KLHDC2: variants seen among roughly 807,000 people sequenced by gnomAD.
KLHDC2 encodes kelch domain-containing protein 2.
A neutral mutation model predicts 62.3 loss-of-function variants in KLHDC2; 38 were observed. The observed-to-expected ratio is 0.61, with a 90% CI of 0.47 to 0.80. The LOEUF (loss-of-function observed/expected upper bound fraction) is 0.80, where lower values mean the gene tolerates loss of function less well. KLHDC2 is among the 30% of genes least tolerant of loss of function. The pLI is 0.00. For missense variants in KLHDC2, 430 were observed against 495.3 expected (o/e 0.87, Z 1.25); for synonymous variants, 159 against 161.0 (o/e 0.99, Z 0.09).
intron 2 of KLHDC2, among the ~76,000 whole-genome samples, chr14:49,773,787 A>G (rs1371174167): frequency 6.6e-6 from 1 of 151,222 alleles, no homozygotes; most frequent in African/African-American, 2.4e-5. Context: ...CATGTTAAAC[A>G]GTATGGTCTC....
At position 49,785,937 on chromosome 14, in the gene KLHDC2, C is replaced by T. The variant is rs2139816475; in HGVS notation, c.*2984C>T. On this transcript the variant is annotated 3_prime_UTR_variant, in exon 13 of 13. Coordinates refer to ENST00000298307, the MANE Select transcript of KLHDC2 (RefSeq NM_014315.3). ...AAACTATTGGATATTACCTGAGTTG[C>T]AGAAACCTGCTGTGGATTAAAATGA... The T allele has an allele frequency of 6.6e-6, 1 of 150,670 alleles. No individual in the cohort carries two copies. The highest frequency in any genetic ancestry group is 1.9e-4 in the East Asian group (1 of 5,148). The allele number at this position is 150,670 out of a possible 1,614,324, so 9.3% of individuals were successfully genotyped here.
At chr14:49,771,922 C>T (rs537547413) in intron 2 of KLHDC2, among the ~76,000 whole-genome samples, 4 of 152,172 alleles carry the variant, frequency 2.6e-5, no homozygotes, top group East Asian at 3.9e-4. Flanking sequence ...ATCTGGGAGG[C>T]GGAGGTTGCA....
intron 6 of KLHDC2, 140 bp from the exon 7 acceptor site, chr14:49,779,455 A>C (rs1594703985): frequency 1.7e-6 from 1 of 577,194 alleles, no homozygotes; most frequent in East Asian, 2.8e-5. Flanking sequence ...AGCTTGTAGT[A>C]CAACTGTTGT....
At position 49,782,959 on chromosome 14, in the gene KLHDC2, C is replaced by T. The variant is rs193278138; in HGVS notation, c.*6C>T. 1 of 1,610,138 alleles carries T rather than the reference C, an allele frequency of 6.2e-7. No homozygotes were observed. The highest frequency in any genetic ancestry group is 1.7e-5 in the Admixed American group (1 of 59,182). On this transcript the variant is annotated 3_prime_UTR_variant, in exon 13 of 13. Coordinates refer to ENST00000298307, the MANE Select transcript of KLHDC2 (RefSeq NM_014315.3). ...ACAACACTTCTGGATCTTAAGGCTT[C>T]ATAAATAATGCCTATGATCACCTTG...
At chr14:49,780,180 A>T (rs1234278129) in intron 8 of KLHDC2, 33 bp from the exon 9 acceptor site, 1 of 1,288,884 alleles carries the variant, frequency 7.8e-7, no homozygotes, top group Non-Finnish European at 1.1e-6. Context: ...CTGCTTCTAA[A>T]TGCAGATATT....
rs1158839407 is a variant in KLHDC2 at position 49,779,814 on chromosome 14, T to C, written c.773+8T>C. ...ATGGGAGTGGAATGAATTGTAGGTA[T>C]CACTTTAGATACATTTTTCCAAAAT... On this transcript the variant is annotated splice_region_variant and intron_variant, in intron 8 of 12. Transcript: ENST00000298307. 1.9e-6 allele frequency: 3 copies of C among 1,595,496 alleles called. No individual in the cohort carries two copies. Among genetic ancestry groups the C allele is most frequent in the Non-Finnish European group, 2.6e-6 (3 of 1,164,844 alleles).
intron 1 of KLHDC2, among the ~76,000 whole-genome samples, chr14:49,770,486 G>T (rs1315860926): frequency 3.3e-5 from 5 of 152,164 alleles, no homozygotes; most frequent in African/African-American, 1.2e-4. Context: ...CAAGCTTGCT[G>T]GACTTTGACA....
At chr14:49,775,890 G>T (rs902861320) in intron 3 of KLHDC2, among the ~76,000 whole-genome samples, 5 of 152,158 alleles carry the variant, frequency 3.3e-5, no homozygotes, top group African/African-American at 9.7e-5. Context: ...GCCTCCCAAA[G>T]TGCTGGGATT....
chr14:49,782,659 C>T (rs1031344212), intron 12 of KLHDC2, 65 bp downstream of exon 12: 18 of 1,409,130 alleles, frequency 1.3e-5, no homozygotes, highest in Non-Finnish European at 1.4e-5. Flanking sequence ...TTAGCACTCT[C>T]GAAAAACTAG....
Position 49,784,800 on chromosome 14 carries a change from CT to C in KLHDC2, c.*1851del. ...GACAAAAACGAAAAACATTTCCAAACTTTTAGCTGAGATGGTTTTACTGCTT... is the reference window on the plus strand; with the variant it reads ...GACAAAAACGAAAAACATTTCCAAACTTTAGCTGAGATGGTTTTACTGCTT... On this transcript the variant is annotated 3_prime_UTR_variant, in exon 13 of 13. Coordinates refer to ENST00000298307, the MANE Select transcript of KLHDC2 (RefSeq NM_014315.3). 7 of 1,433,086 alleles carry C rather than the reference CT, an allele frequency of 4.9e-6. No homozygotes were observed. The highest frequency in any genetic ancestry group is 6.8e-6 in the Non-Finnish European group (7 of 1,027,380). The allele number at this position is 1,433,086 out of a possible 1,614,324, so 88.8% of individuals were successfully genotyped here. A position where few individuals can be genotyped will look rare whatever the true frequency, so the allele number is the denominator to read the frequency against.
chr14:49,774,336 T>TG (rs1889726495), intron 2 of KLHDC2, among the ~76,000 whole-genome samples: 2 of 152,330 alleles, frequency 1.3e-5, no homozygotes, highest in South Asian at 4.1e-4. Flanking sequence ...GAATCTCTCA[T>TG]GCCTGTACAC....
chr14:49,771,749 T>C (rs1032232916), intron 2 of KLHDC2, 76 bp downstream of exon 2: 3 of 776,178 alleles, frequency 3.9e-6, no homozygotes, highest in African/African-American at 3.5e-5. Context: ...ATGCCTATAA[T>C]CCCAGCACTT....
rs1384686215 is a variant in KLHDC2, at chr14:49,784,144, T to C, written c.*1191T>C. 1 of 152,294 alleles carries C rather than the reference T, an allele frequency of 6.6e-6. No homozygotes were observed. The highest frequency in any genetic ancestry group is 1.5e-5 in the Non-Finnish European group (1 of 68,246). The allele number at this position is 152,294 out of a possible 1,614,324, so 9.4% of individuals were successfully genotyped here. ...AGCATTTAACTGTCCACAAATACTT[T>C]AGGAAATCCTATCATAGTGTTTCCT... On this transcript the variant is annotated 3_prime_UTR_variant, in exon 13 of 13. Transcript: ENST00000298307.
Position 49,784,879 on chromosome 14 carries a change from A to C in KLHDC2, c.*1926A>C. 1 of 1,522,038 alleles carries C rather than the reference A, an allele frequency of 6.6e-7. No individual in the cohort carries two copies. Among genetic ancestry groups the C allele is most frequent in the Non-Finnish European group, 9.1e-7 (1 of 1,102,244 alleles). 94.3% of individuals were successfully genotyped at this position (1,522,038 alleles called of 1,614,324 possible). On this transcript the variant is annotated 3_prime_UTR_variant, in exon 13 of 13. Coordinates refer to ENST00000298307, the MANE Select transcript of KLHDC2 (RefSeq NM_014315.3). ...TAACAAAAAACTGCTAACATTTTAA[A>C]TTGTACTGTCAGTCTCCACATTCCT...
At chr14:49,781,167 G>A (rs1020409537) in intron 10 of KLHDC2, among the ~76,000 whole-genome samples, 3 of 151,876 alleles carry the variant, frequency 2.0e-5, no homozygotes, top group African/African-American at 7.3e-5. Context: ...GAGGTCAGGA[G>A]TTCCAGCCTG....
intron 6 of KLHDC2, among the ~76,000 whole-genome samples, chr14:49,779,045 A>T (rs559541132): frequency 6.6e-6 from 1 of 152,316 alleles, no homozygotes; most frequent in African/African-American, 2.4e-5. Flanking sequence ...TTTACGTGGT[A>T]GAAGTGTTTC....
At chr14:49,771,700 TA>T in intron 2 of KLHDC2, 27 bp downstream of exon 2, 2 of 1,205,234 alleles carry the variant, frequency 1.7e-6, no homozygotes, top group South Asian at 1.2e-5. Context: ...TAAGGGGGAC[TA>T]AAAAATTCAG....
In KLHDC2 at chr14:49,779,659, T is replaced by C. The variant is rs1224155568; in HGVS notation, c.698T>C (p.Phe233Ser). ...CATVGNRGFV[F>S]GGRYRDARMN... ...ACTGTCGGAAATAGAGGCTTCGTGT[T>C]TGGAGGCAGATATCGAGTAAGTATT... The change falls in exon 7 of 13, where the codon TTT (phenylalanine) becomes TCT (serine). Residue 233 changes from phenylalanine to serine, a missense_variant. By Grantham distance (155) the Phe-to-Ser change is radical. Coordinates refer to ENST00000298307, the MANE Select transcript of KLHDC2 (RefSeq NM_014315.3). 5.0e-6 allele frequency: 8 copies of C among 1,614,042 alleles called. No homozygotes were observed. The highest frequency in any genetic ancestry group is 6.8e-6 in the Non-Finnish European group (8 of 1,180,002).
At chr14:49,773,288 C>T (rs1385563910) in intron 2 of KLHDC2, among the ~76,000 whole-genome samples, 2 of 150,868 alleles carry the variant, frequency 1.3e-5, no homozygotes, top group African/African-American at 4.9e-5. Context: ...GAGGCACGCG[C>T]CTGTAGTCCC....
Sources: allele counts gnomAD v4.1 joint callset (sites outside exome capture counted in the v4.1 genomes callset), GRCh38; gene constraint gnomAD v4.1.1; transcripts MANE v1.5; gene names NCBI Gene and HGNC (gene_info 2026-07-23, HGNC 2026-07-21).